The following AGBL4 variants were observed in gnomAD, a reference collection of about 807,000 sequenced individuals.
The protein encoded by AGBL4 is AGBL carboxypeptidase 4.
AGBL4 carries 58 observed loss-of-function variants against 66.4 expected under a neutral mutation model. That is an observed-to-expected ratio of 0.87 (90% CI 0.71 to 1.09). The LOEUF is 1.09. Ranked by LOEUF, AGBL4 falls within the 50% of genes least tolerant of loss-of-function variation. The pLI, the probability that AGBL4 is intolerant of heterozygous loss-of-function variation, is 0.00. For missense variants in AGBL4, 579 were observed against 631.0 expected (o/e 0.92, Z 0.88); for synonymous variants, 234 against 222.9 (o/e 1.05, Z -0.44).
chr1:49,738,719 C>T lies in AGBL4; in HGVS notation c.158-41282G>A, dbSNP rs549112184. Among the ~76,000 whole-genome samples, 17 of 152,304 alleles carry T rather than the reference C, an allele frequency of 1.1e-4. No homozygotes were observed. The East Asian group carries it at 1.2e-3, about 10-fold the overall frequency. On this transcript the variant is annotated intron_variant, in intron 2 of 13. Coordinates refer to ENST00000371839, the MANE Select transcript of AGBL4 (RefSeq NM_032785.4). ...CTCTGAGACAAAACTTCCAGAGGAA[C>T]GATCAGGCAGCAACATTTGCTGTTC...
chr1:48,569,789 A>G (rs1644530450), intron 11 of AGBL4, among the ~76,000 whole-genome samples: 1 of 152,182 alleles, frequency 6.6e-6, no homozygotes. Context: ...TTGAGCATCA[A>G]TCTGCCCCGC....
At chr1:49,335,828 T>G (rs1198998224) in intron 3 of AGBL4, among the ~76,000 whole-genome samples, 3 of 152,154 alleles carry the variant, frequency 2.0e-5, no homozygotes, top group Non-Finnish European at 4.4e-5. Flanking sequence ...AATCTGAACT[T>G]TTTACTTTGT....
intron 1 of AGBL4, among the ~76,000 whole-genome samples, chr1:49,973,413 A>C (rs1232821871): frequency 1.3e-5 from 2 of 152,118 alleles, no homozygotes; most frequent in Non-Finnish European, 2.9e-5. Flanking sequence ...ATAGCTACAC[A>C]TGGCTAGCAG....
chr1:49,853,048 TA>T (rs1646344193), intron 1 of AGBL4, among the ~76,000 whole-genome samples: 1 of 152,272 alleles, frequency 6.6e-6, no homozygotes, highest in Admixed American at 6.5e-5. Context: ...GTAAATACTA[TA>T]AAACAGTAGT....
At chr1:49,203,914 T>G (rs1570053388) in intron 4 of AGBL4, among the ~76,000 whole-genome samples, 1 of 152,338 alleles carries the variant, frequency 6.6e-6, no homozygotes, top group East Asian at 1.9e-4. Flanking sequence ...TTAAACTTGT[T>G]AAAAGGGTAA....
intron 1 of AGBL4, among the ~76,000 whole-genome samples, chr1:49,936,996 C>A (rs1654130326): frequency 6.6e-6 from 1 of 152,136 alleles, no homozygotes; most frequent in South Asian, 2.1e-4. Flanking sequence ...ACAATATTAA[C>A]TTTAAATGTA....
At chr1:48,797,707 C>A (rs576531673) in intron 6 of AGBL4, among the ~76,000 whole-genome samples, 1 of 152,200 alleles carries the variant, frequency 6.6e-6, no homozygotes, top group Non-Finnish European at 1.5e-5. Context: ...AAGCAATTTC[C>A]AGCTAATTTT....
At chr1:49,425,754 G>T (rs1369786254) in intron 3 of AGBL4, among the ~76,000 whole-genome samples, 3 of 152,156 alleles carry the variant, frequency 2.0e-5, no homozygotes, top group Non-Finnish European at 4.4e-5. Flanking sequence ...AGAGACCAGG[G>T]GTGAGGGGGT....
intron 4 of AGBL4, among the ~76,000 whole-genome samples, chr1:49,123,362 G>A (rs994800109): frequency 4.6e-5 from 7 of 152,158 alleles, no homozygotes; most frequent in Admixed American, 4.6e-4. Context: ...TTAATTGTCA[G>A]AAAGTCAAGC....
chr1:49,234,037 G>A (rs1650528240), intron 4 of AGBL4, among the ~76,000 whole-genome samples: 1 of 152,190 alleles, frequency 6.6e-6, no homozygotes. Context: ...GGTGACCGTG[G>A]AAACTATGAA....
intron 5 of AGBL4, among the ~76,000 whole-genome samples, chr1:49,038,365 C>G (rs1163522332): frequency 6.6e-6 from 1 of 152,042 alleles, no homozygotes; most frequent in Non-Finnish European, 1.5e-5. Context: ...AAGATAGAAG[C>G]CTTACTGGCT....
chr1:49,268,476 A>G (rs1240133934), intron 3 of AGBL4, among the ~76,000 whole-genome samples: 1 of 150,290 alleles, frequency 6.7e-6, no homozygotes, highest in Non-Finnish European at 1.5e-5. Flanking sequence ...TCTATTGCAC[A>G]GGCTGGAGTG....
At chr1:48,656,922 A>C (rs1339722670) in intron 7 of AGBL4, among the ~76,000 whole-genome samples, 15 of 152,126 alleles carry the variant, frequency 9.9e-5, no homozygotes. Flanking sequence ...TCAGCAACAC[A>C]CTATTTACCC....
intron 3 of AGBL4, among the ~76,000 whole-genome samples, chr1:49,278,069 C>G (rs184176104): frequency 1.7e-4 from 26 of 152,256 alleles, no homozygotes; most frequent in African/African-American, 5.3e-4. Context: ...AACTGAAGCT[C>G]TCACAGAAAT....
intron 2 of AGBL4, among the ~76,000 whole-genome samples, chr1:49,775,067 A>T (rs1446646500): frequency 6.6e-6 from 1 of 152,200 alleles, no homozygotes; most frequent in Non-Finnish European, 1.5e-5. Context: ...GAAACCTATG[A>T]TTGATATAGA....
chr1:48,719,493 T>G (rs1647109405), intron 6 of AGBL4, among the ~76,000 whole-genome samples: 1 of 152,210 alleles, frequency 6.6e-6, no homozygotes, highest in Non-Finnish European at 1.5e-5. Context: ...GCATCATTTT[T>G]CTAAGGCACA....
chr1:48,832,141 G>A (rs1646566803), intron 6 of AGBL4, among the ~76,000 whole-genome samples: 1 of 152,194 alleles, frequency 6.6e-6, no homozygotes. Context: ...AGGAGTGTCT[G>A]GCATAATGTC....
At chr1:49,892,475 AT>A (rs1457172375) in intron 1 of AGBL4, among the ~76,000 whole-genome samples, 1 of 152,000 alleles carries the variant, frequency 6.6e-6, no homozygotes, top group East Asian at 1.9e-4. Context: ...ATCCCATTTG[AT>A]TTTTTTACCT....
intron 1 of AGBL4, among the ~76,000 whole-genome samples, chr1:49,993,655 C>T (rs924561355): frequency 2.0e-5 from 3 of 152,202 alleles, no homozygotes; most frequent in Non-Finnish European, 2.9e-5. Context: ...TGAGAAGTAA[C>T]GTGTGCCATT....
Sources: gnomAD v4.1 joint callset for allele counts (sites outside exome capture counted in the v4.1 genomes callset) on GRCh38, gnomAD v4.1.1 for gene constraint, MANE v1.5 for transcripts, NCBI Gene and HGNC (gene_info 2026-07-23, HGNC 2026-07-21) for gene names.